TAF15: variants seen among roughly 807,000 people sequenced by gnomAD.
TAF15 encodes the protein TATA-box binding protein associated factor 15, also known as TATA-binding protein-associated factor 2N.
In TAF15, 37 loss-of-function variants were observed where a neutral mutation model predicts 102.5. The observed-to-expected ratio is 0.36, with a 90% confidence interval of 0.28 to 0.47. TAF15 has a LOEUF of 0.47. Ranked by LOEUF, TAF15 falls within the 20% of genes least tolerant of loss-of-function variation. The pLI is 0.99. For synonymous variants in TAF15, 273 were observed against 259.2 expected, an observed-to-expected ratio of 1.05 and a Z score of -0.51; for missense variants, 652 against 760.7, an observed-to-expected ratio of 0.86 and a Z score of 1.68.
chr17:35,834,538 AG>A, intron 8 of TAF15, 27 bp from the exon 9 acceptor site: 1 of 1,610,674 alleles, frequency 6.2e-7, no homozygotes, highest in Non-Finnish European at 8.5e-7. Flanking sequence ...TGCCTTAAAT[AG>A]CTCTTTTTTC....
At chr17:35,810,716 C>A (rs2087115013) in intron 1 of TAF15, 1 of 152,164 alleles carries the variant, frequency 6.6e-6, no homozygotes, top group South Asian at 2.1e-4. Flanking sequence ...AGACAAAAAA[C>A]CCAGGTACCC....
chr17:35,827,475 C>T (rs1253149958), intron 7 of TAF15, among the ~76,000 whole-genome samples: 6 of 152,152 alleles, frequency 3.9e-5, no homozygotes, highest in Non-Finnish European at 5.9e-5. Flanking sequence ...GAGGGCACAG[C>T]GGGTGGATCA....
chr17:35,843,834 G>T (rs1179106722), intron 12 of TAF15, among the ~76,000 whole-genome samples: 1 of 152,156 alleles, frequency 6.6e-6, no homozygotes, highest in African/African-American at 2.4e-5. Flanking sequence ...TACAGAAAAT[G>T]GACTTTGAAG....
chr17:35,839,154 A>T (rs2087510913), intron 11 of TAF15, among the ~76,000 whole-genome samples: 1 of 150,580 alleles, frequency 6.6e-6, no homozygotes, highest in African/African-American at 2.4e-5. Flanking sequence ...GGTGGTGTGC[A>T]GCTGTGGTCC....
chr17:35,820,966 C>T (rs752290743), intron 5 of TAF15, among the ~76,000 whole-genome samples: 15 of 152,038 alleles, frequency 9.9e-5, no homozygotes, highest in Admixed American at 3.3e-4. Context: ...TAATTTTATG[C>T]TATTTACTTA....
intron 1 of TAF15, among the ~76,000 whole-genome samples, chr17:35,812,993 G>T (rs1016171864): frequency 2.0e-5 from 3 of 151,780 alleles, no homozygotes; most frequent in Admixed American, 6.6e-5. Context: ...CAGGTGAGGT[G>T]GCGGGAACCT....
chr17:35,822,918 T>G, intron 6 of TAF15, 85 bp downstream of exon 6: 1 of 1,524,036 alleles, frequency 6.6e-7, no homozygotes, highest in Non-Finnish European at 9.1e-7. Flanking sequence ...CACAGAGGAT[T>G]TCACCTGTTT....
intron 10 of TAF15, among the ~76,000 whole-genome samples, chr17:35,837,876 T>G (rs149510555): frequency 3.9e-5 from 6 of 152,240 alleles, no homozygotes; most frequent in East Asian, 1.9e-4. Flanking sequence ...TTAATTTCTG[T>G]GGATTTAAAG....
intron 7 of TAF15, among the ~76,000 whole-genome samples, chr17:35,832,443 G>A (rs1215199375): frequency 6.6e-6 from 1 of 151,980 alleles, no homozygotes. Context: ...TAGTGAAATA[G>A]AATGGATGTA....
intron 11 of TAF15, among the ~76,000 whole-genome samples, chr17:35,839,154 A>G (rs2087510913): frequency 6.6e-6 from 1 of 150,582 alleles, no homozygotes. Flanking sequence ...GGTGGTGTGC[A>G]GCTGTGGTCC....
At chr17:35,823,319 A>G (rs1186754086) in intron 6 of TAF15, among the ~76,000 whole-genome samples, 2 of 152,236 alleles carry the variant, frequency 1.3e-5, no homozygotes. Flanking sequence ...TTCACTAAAT[A>G]TCTTCTCTCA....
chr17:35,818,526 T>C (rs920517254), intron 2 of TAF15: 8 of 152,218 alleles, frequency 5.3e-5, no homozygotes, highest in African/African-American at 1.9e-4. Context: ...AGAAATTTAA[T>C]GTCAGACGCT....
At chr17:35,842,877 C>T (rs578196838) in intron 12 of TAF15, among the ~76,000 whole-genome samples, 23 of 152,040 alleles carry the variant, frequency 1.5e-4, no homozygotes, top group African/African-American at 4.6e-4. Flanking sequence ...GGACTACAGG[C>T]GTGCGCCACC....
At chr17:35,834,707 T>G in intron 9 of TAF15, 109 bp downstream of exon 9, 1 of 996,184 alleles carries the variant, frequency 1.0e-6, no homozygotes, top group East Asian at 2.5e-5. Context: ...AGATTTAATT[T>G]GATAGTGCTG....
At chr17:35,833,807 C>A in intron 7 of TAF15, 100 bp from the exon 8 acceptor site, 1 of 1,225,584 alleles carries the variant, frequency 8.2e-7, no homozygotes. Flanking sequence ...TACTGTTTTC[C>A]TAAGCACTCT....
At chr17:35,843,866 C>T (rs567641135) in intron 12 of TAF15, among the ~76,000 whole-genome samples, 2 of 152,274 alleles carry the variant, frequency 1.3e-5, no homozygotes, top group East Asian at 3.9e-4. Flanking sequence ...ATTATTTGCA[C>T]TGTGTTGTGT....
At chr17:35,828,134 G>C (rs1003067509) in intron 7 of TAF15, among the ~76,000 whole-genome samples, 1 of 152,140 alleles carries the variant, frequency 6.6e-6, no homozygotes, top group Non-Finnish European at 1.5e-5. Context: ...AATGTGTCAA[G>C]CCTAAAATCC....
chr17:35,823,972 C>A, intron 6 of TAF15, 106 bp from the exon 7 acceptor site: 2 of 1,413,600 alleles, frequency 1.4e-6, no homozygotes, highest in Non-Finnish European at 2.0e-6. Context: ...TGCACATGTG[C>A]CATTTTCTAT....
chr17:35,835,608 G>A (rs2087464187), intron 9 of TAF15, among the ~76,000 whole-genome samples: 1 of 152,204 alleles, frequency 6.6e-6, no homozygotes, highest in South Asian at 2.1e-4. Context: ...TAATCCAAAA[G>A]TGTGCATGTC....
Sources: gnomAD v4.1 joint callset for allele counts (sites outside exome capture counted in the v4.1 genomes callset) on GRCh38, gnomAD v4.1.1 for gene constraint, MANE v1.5 for transcripts, NCBI Gene and HGNC (gene_info 2026-07-23, HGNC 2026-07-21) for gene names.